Variants in GATM observed in about 807,000 individuals in gnomAD.
The protein encoded by GATM is glycine amidinotransferase.
Under a neutral mutation model 54.2 loss-of-function variants are expected in GATM, and 23 were observed. The ratio of observed to expected loss-of-function variants is 0.42; its 90% CI spans 0.31 to 0.60. The LOEUF is 0.60. Ranked by LOEUF, GATM falls within the 20% of genes least tolerant of loss-of-function variation. The pLI is 0.14. For missense variants in GATM, 401 were observed against 544.9 expected, an observed-to-expected ratio of 0.74 and a Z score of 2.63; for synonymous variants, 168 against 183.1, an observed-to-expected ratio of 0.92 and a Z score of 0.67.
chr15:45,362,058 C>G lies in GATM; in HGVS notation c.*51G>C. 1 of 1,101,824 alleles carries G rather than the reference C, an allele frequency of 9.1e-7. No homozygotes were observed. The highest frequency in any genetic ancestry group is 1.2e-5 in the South Asian group (1 of 80,270). The allele number at this position is 1,101,824 out of a possible 1,614,324, so 68.3% of individuals were successfully genotyped here. On this transcript the variant is annotated 3_prime_UTR_variant, in exon 9 of 9. Transcript: ENST00000396659. Reference sequence around the variant, plus strand: ...TAAAGCAGGAGAATGAACCTTGCCCCTAAGCTTCTTAGGTGTATCTGAGGC... The same window carrying G: ...TAAAGCAGGAGAATGAACCTTGCCCGTAAGCTTCTTAGGTGTATCTGAGGC...
chr15:45,376,166 G>A (rs893818386), intron 2 of GATM, among the ~76,000 whole-genome samples: 2 of 152,208 alleles, frequency 1.3e-5, no homozygotes, highest in African/African-American at 2.4e-5. Context: ...GATGTGCCAA[G>A]TTTGAAGTCC....
chr15:45,390,575 C>T (rs1396661205), intron 3 of GATM, among the ~76,000 whole-genome samples: 3 of 152,156 alleles, frequency 2.0e-5, no homozygotes, highest in African/African-American at 7.2e-5. Flanking sequence ...CTTGAGGCTT[C>T]TTACCCCAAA....
intron 3 of GATM, among the ~76,000 whole-genome samples, chr15:45,393,936 G>A (rs1189766212): frequency 6.6e-6 from 1 of 152,140 alleles, no homozygotes; most frequent in African/African-American, 2.4e-5. Context: ...GGCTCAGAAA[G>A]GTTAAATGAA....
chr15:45,386,587 A>C (rs555838598), intron 3 of GATM, among the ~76,000 whole-genome samples: 1 of 152,282 alleles, frequency 6.6e-6, no homozygotes, highest in East Asian at 1.9e-4. Flanking sequence ...GTGGGAAGAC[A>C]CTTCTGCCTA....
At chr15:45,397,615 A>C (rs1229155916) in intron 2 of GATM, among the ~76,000 whole-genome samples, 1 of 152,136 alleles carries the variant, frequency 6.6e-6, no homozygotes. Flanking sequence ...TCCTTATTAC[A>C]TCCTTTATTA....
At chr15:45,383,113 C>A (rs1420453912), upstream of GATM, among the ~76,000 whole-genome samples, 1 of 152,156 alleles carries the variant, frequency 6.6e-6, no homozygotes, top group African/African-American at 2.4e-5. Context: ...AGTCCTTAAT[C>A]AATTGTTCAA....
intron 3 of GATM, among the ~76,000 whole-genome samples, chr15:45,390,717 T>G (rs919900472): frequency 2.8e-5 from 4 of 142,372 alleles, no homozygotes; most frequent in Admixed American, 2.6e-4. Flanking sequence ...CCCTTTCAAA[T>G]TAAGCTGATA....
At chr15:45,386,731 G>A (rs1183540607) in intron 3 of GATM, among the ~76,000 whole-genome samples, 1 of 152,158 alleles carries the variant, frequency 6.6e-6, no homozygotes, top group African/African-American at 2.4e-5. Context: ...GCTGGGCCCT[G>A]GGAATTGAAG....
At chr15:45,367,715 T>C (rs9972498) in intron 4 of GATM, among the ~76,000 whole-genome samples, 14,946 of 152,180 alleles carry the variant, frequency 0.098, 832 homozygotes, top group Middle Eastern at 0.25. Context: ...CTTTTCTGGT[T>C]CCACTAATGA....
chr15:45,363,789 G>A (rs1358698725), intron 8 of GATM, 111 bp downstream of exon 8: 2 of 730,998 alleles, frequency 2.7e-6, no homozygotes, highest in African/African-American at 3.5e-5. Flanking sequence ...CCTCTAAAAG[G>A]AATCAAAATT....
chr15:45,378,339 T>C (rs1201458295), intron 1 of GATM, 46 bp downstream of exon 1: 2 of 1,445,732 alleles, frequency 1.4e-6, no homozygotes, highest in South Asian at 1.3e-5. Flanking sequence ...GCCCGCAGGA[T>C]CGAGTGAGTC....
intron 3 of GATM, among the ~76,000 whole-genome samples, chr15:45,389,273 T>A (rs1449951368): frequency 5.9e-5 from 9 of 152,236 alleles, no homozygotes; most frequent in Non-Finnish European, 1.5e-5. Flanking sequence ...CAATTTAACC[T>A]TTTTACAAAA....
At chr15:45,367,139 G>C (rs762575441) in intron 4 of GATM, among the ~76,000 whole-genome samples, 1 of 152,074 alleles carries the variant, frequency 6.6e-6, no homozygotes, top group Admixed American at 6.6e-5. Flanking sequence ...TCAGGAGTTC[G>C]AGACCAGCCT....
At chr15:45,373,191 A>G (rs1889570744) in intron 2 of GATM, 1 of 152,220 alleles carries the variant, frequency 6.6e-6, no homozygotes, top group Non-Finnish European at 1.5e-5. Flanking sequence ...TTAAAAGACA[A>G]AAGCAAAACA....
rs751757258 is a variant in GATM at position 45,368,186 on chromosome 15, G to A, written c.559C>T (p.Arg187Cys). ...GCTCGGTACTCAAAGAAGCGTGAACGCCATGCCATGGGAGCCTCGATAATC... is the reference window on the plus strand; with the variant it reads ...GCTCGGTACTCAAAGAAGCGTGAACACCATGCCATGGGAGCCTCGATAATC... ...NEIIEAPMAW[R>C]SRFFEYRAYR... Residue 187 changes from arginine to cysteine, a missense_variant, in exon 4 of 9, where the codon CGT becomes TGT. Arg to Cys is a radical substitution (Grantham distance 180). Coordinates refer to ENST00000396659, the MANE Select transcript of GATM (RefSeq NM_001482.3). The surrounding 1 kb of genome is among the most constrained non-coding windows in gnomAD (Gnocchi z 5.1). The A allele has an allele frequency of 6.2e-7, 1 of 1,613,986 alleles. No homozygotes were observed. Among genetic ancestry groups the A allele is most frequent in the Non-Finnish European group, 8.5e-7 (1 of 1,179,952 alleles).
At chr15:45,384,120 A>AT (rs778981227) in intron 3 of GATM, among the ~76,000 whole-genome samples, 9 of 152,288 alleles carry the variant, frequency 5.9e-5, no homozygotes, top group Middle Eastern at 3.4e-3. Context: ...AGGACACTTG[A>AT]TTTTCTCACA....
At chr15:45,379,201 GTTCC>G (rs1406271575), upstream of GATM, 1 of 152,132 alleles carries the variant, frequency 6.6e-6, no homozygotes, top group Non-Finnish European at 1.5e-5. Flanking sequence ...CGACAGTTTC[GTTCC>G]TTCCATTTCA....
intron 5 of GATM, 79 bp downstream of exon 5, chr15:45,366,292 T>A: frequency 4.4e-6 from 7 of 1,606,154 alleles, no homozygotes; most frequent in Non-Finnish European, 6.0e-6. Context: ...GTGAAAAAAA[T>A]TTAGGATGAA....
intron 4 of GATM, among the ~76,000 whole-genome samples, chr15:45,366,782 T>C (rs949726815): frequency 6.6e-6 from 1 of 152,222 alleles, no homozygotes. Flanking sequence ...TTCAGTCAAC[T>C]GTCGTCCCAA....
Sources: allele counts gnomAD v4.1 joint callset (sites outside exome capture counted in the v4.1 genomes callset), GRCh38; gene constraint gnomAD v4.1.1; non-coding constraint Gnocchi (gnomAD v3.1); transcripts MANE v1.5; gene names NCBI Gene and HGNC (gene_info 2026-07-23, HGNC 2026-07-21).